The following CTNNA2 variants were observed in gnomAD, a reference collection of about 807,000 sequenced individuals.
CTNNA2 encodes catenin alpha 2, also known as catenin alpha-2.
CTNNA2 carries 42 observed loss-of-function variants against 101.0 expected under a neutral mutation model. The observed-to-expected ratio is 0.42, with a 90% confidence interval of 0.32 to 0.54. The LOEUF (loss-of-function observed/expected upper bound fraction) is 0.54. CTNNA2 is among the 20% of genes least tolerant of loss of function. The pLI is 0.14. For missense variants in CTNNA2, 871 were observed against 1,223.1 expected, an observed-to-expected ratio of 0.71 and a Z score of 4.29; for synonymous variants, 450 against 456.4, an observed-to-expected ratio of 0.99 and a Z score of 0.18.
At chr2:79,746,626 A>G (rs926835700) in intron 3 of CTNNA2, among the ~76,000 whole-genome samples, 3 of 152,144 alleles carry the variant, frequency 2.0e-5, no homozygotes, top group African/African-American at 7.2e-5. Flanking sequence ...TACCTCCTAT[A>G]TATCTGTTTA....
At chr2:79,714,894 A>G (rs1393311809) in intron 2 of CTNNA2, among the ~76,000 whole-genome samples, 1 of 152,024 alleles carries the variant, frequency 6.6e-6, no homozygotes, top group African/African-American at 2.4e-5. Flanking sequence ...GAAAGATCCT[A>G]AAAACCACAG....
At chr2:80,149,196 C>A (rs1337040620) in intron 7 of CTNNA2, among the ~76,000 whole-genome samples, 1 of 152,008 alleles carries the variant, frequency 6.6e-6, no homozygotes, top group East Asian at 1.9e-4. Flanking sequence ...GTGTATCCAG[C>A]TAATTTTTAA....
intron 3 of CTNNA2, among the ~76,000 whole-genome samples, chr2:79,825,970 G>A (rs1285815167): frequency 6.6e-6 from 1 of 152,108 alleles, no homozygotes; most frequent in Non-Finnish European, 1.5e-5. Context: ...ACGTTGTGAT[G>A]GAAGAACTGC....
At chr2:80,610,878 T>C (rs1698411470) in intron 17 of CTNNA2, among the ~76,000 whole-genome samples, 1 of 151,588 alleles carries the variant, frequency 6.6e-6, no homozygotes, top group Non-Finnish European at 1.5e-5. Flanking sequence ...GGAGAATGGA[T>C]ACAAAAGCTC....
intron 2 of CTNNA2, among the ~76,000 whole-genome samples, chr2:79,691,911 A>T (rs1013052854): frequency 6.6e-6 from 1 of 152,212 alleles, no homozygotes; most frequent in Non-Finnish European, 1.5e-5. Context: ...ACCTAAAACC[A>T]TAAAAACCCT....
chr2:79,951,683 TAA>T (rs1448727456), intron 7 of CTNNA2, among the ~76,000 whole-genome samples: 1 of 71,370 alleles, frequency 1.4e-5, no homozygotes, highest in African/African-American at 4.1e-5. Flanking sequence ...AAAAATAAGA[TAA>T]GTTAAAATAA....
chr2:79,327,178 T>C (rs182005593), intron 3 of CTNNA2, among the ~76,000 whole-genome samples: 13 of 152,340 alleles, frequency 8.5e-5, no homozygotes, highest in Admixed American at 7.8e-4. Context: ...GATTCTGTCA[T>C]TTTCAGAAAC....
intron 2 of CTNNA2, among the ~76,000 whole-genome samples, chr2:79,658,251 T>C (rs1207578239): frequency 6.6e-6 from 1 of 152,046 alleles, no homozygotes; most frequent in African/African-American, 2.4e-5. Context: ...GTATTCATGG[T>C]GATAGCTTCA....
chr2:79,612,268 A>G (rs558785409), intron 1 of CTNNA2, among the ~76,000 whole-genome samples: 1 of 152,324 alleles, frequency 6.6e-6, no homozygotes, highest in East Asian at 1.9e-4. Context: ...TGTATAAGGT[A>G]GCAAATGTTT....
intron 3 of CTNNA2, among the ~76,000 whole-genome samples, chr2:79,835,211 A>G (rs1485591926): frequency 6.6e-6 from 1 of 152,194 alleles, no homozygotes; most frequent in Non-Finnish European, 1.5e-5. Flanking sequence ...TATTCGCCTT[A>G]AAATCTGAAC....
intron 4 of CTNNA2, among the ~76,000 whole-genome samples, chr2:79,438,016 T>C (rs778885761): frequency 2.0e-5 from 3 of 151,538 alleles, no homozygotes; most frequent in Non-Finnish European, 2.9e-5. Flanking sequence ...GTTCCTATTG[T>C]TATGCCCGTT....
At chr2:79,752,464 G>T (rs114016228) in intron 3 of CTNNA2, among the ~76,000 whole-genome samples, 1 of 152,164 alleles carries the variant, frequency 6.6e-6, no homozygotes. Context: ...GCATTTTCAG[G>T]AAGCCACAAG....
intron 7 of CTNNA2, among the ~76,000 whole-genome samples, chr2:79,933,366 G>A (rs1687575749): frequency 6.6e-6 from 1 of 152,022 alleles, no homozygotes; most frequent in Non-Finnish European, 1.5e-5. Flanking sequence ...TTTTTTAAAT[G>A]AGAAAATTGA....
At chr2:79,991,578 C>T (rs113997521) in intron 7 of CTNNA2, among the ~76,000 whole-genome samples, 18 of 152,298 alleles carry the variant, frequency 1.2e-4, no homozygotes, top group Non-Finnish European at 2.2e-4. Flanking sequence ...ACGTAGTGCT[C>T]GGCATGCAAG....
At chr2:79,212,079 T>C (rs919688847) in intron 2 of CTNNA2, among the ~76,000 whole-genome samples, 3 of 152,202 alleles carry the variant, frequency 2.0e-5, no homozygotes, top group African/African-American at 7.2e-5. Context: ...CCAGAACATC[T>C]GATTAGAGAG....
intron 15 of CTNNA2, among the ~76,000 whole-genome samples, chr2:80,589,904 G>GTGTGCT (rs1553400672): frequency 2.8e-4 from 23 of 82,554 alleles, no homozygotes; most frequent in Non-Finnish European, 5.9e-4. Context: ...GTGTGTGTGT[G>GTGTGCT]TGCGCGCGCG....
Position 79,650,407 on chromosome 2 carries a change from A to T in CTNNA2, c.-5-1145A>T, listed in dbSNP as rs80312560. Among the ~76,000 whole-genome samples the T allele has an allele frequency of 8.5e-3, 1,296 of 152,204 alleles. 27 individuals carry two copies. Among genetic ancestry groups the T allele is most frequent in the African/African-American group, 0.028 (1,177 of 41,544 alleles). ...GGCACTTAGTTTGAAGATGTCTTTC[A>T]TATTTAAGAGACTGAAACTCTTGTC... is the stretch of plus-strand genomic sequence containing the variant. On this transcript the variant is annotated intron_variant, in intron 1 of 18. Coordinates refer to ENST00000402739, the MANE Select transcript of CTNNA2 (RefSeq NM_001282597.3).
At chr2:80,289,513 C>T (rs1675053981) in intron 7 of CTNNA2, among the ~76,000 whole-genome samples, 1 of 152,180 alleles carries the variant, frequency 6.6e-6, no homozygotes, top group African/African-American at 2.4e-5. Context: ...GCTCCTAATG[C>T]CATCCACATT....
intron 4 of CTNNA2, among the ~76,000 whole-genome samples, chr2:79,374,906 A>G (rs1157270831): frequency 2.6e-5 from 4 of 152,122 alleles, no homozygotes; most frequent in Non-Finnish European, 5.9e-5. Context: ...CAGGCTCATG[A>G]CCTGTGTGCC....
Sources: gnomAD v4.1 joint callset for allele counts (sites outside exome capture counted in the v4.1 genomes callset) on GRCh38, gnomAD v4.1.1 for gene constraint, MANE v1.5 for transcripts, NCBI Gene and HGNC (gene_info 2026-07-23, HGNC 2026-07-21) for gene names.